ANTXRL: variants seen among roughly 807,000 people sequenced by gnomAD.
ANTXRL encodes the protein ANTXR like, also known as anthrax toxin receptor-like.
In ANTXRL, 63 loss-of-function variants were observed where a neutral mutation model predicts 75.4. That is an observed-to-expected ratio of 0.84 (90% CI 0.68 to 1.03). ANTXRL has a LOEUF of 1.03. Ranked by LOEUF, ANTXRL falls within the 50% of genes least tolerant of loss-of-function variation. The pLI is 0.00. For missense variants in ANTXRL, 797 were observed against 789.4 expected (o/e 1.01, Z -0.12); for synonymous variants, 335 against 291.3 (o/e 1.15, Z -1.53).
In ANTXRL at chr10:46,307,448, A is replaced by C. The variant is rs782669496; in HGVS notation, c.1012A>C (p.Lys338Gln). The C allele has an allele frequency of 2.1e-4, 326 of 1,536,334 alleles. 2 individuals are homozygous for C. Among genetic ancestry groups the C allele is most frequent in the East Asian group, 1.3e-3 (52 of 40,920 alleles). ...CTTGAACAAAGGCAAAACATTCTTC[A>C]AGAGCAATGTCAGCATCACCAGCAC... is the stretch of plus-strand genomic sequence containing the variant. Reference protein sequence around the residue: ...VSLNKGKTFFKSNVSITSTTC... With the variant: ...VSLNKGKTFFQSNVSITSTTC... Residue 338 changes from lysine to glutamine, a missense_variant, in exon 12 of 17, where the codon AAG becomes CAG. Physicochemically the swap from Lys to Gln is moderately conservative, Grantham distance 53. This residue lies in a region of ANTXRL where 479 missense variants were observed against 422.0 expected (regional missense o/e 1.14). Transcript: ENST00000620264.
In ANTXRL at chr10:46,294,064, C is replaced by T. The variant is rs1289348184; in HGVS notation, c.392+164C>T. ...CCCACCTGACCTTAGCCCCGGCTCC[C>T]CTGCATCCTCCTACCCATGGCTGCA... On this transcript the variant is annotated intron_variant, in intron 3 of 16. Coordinates refer to ENST00000620264, the MANE Select transcript of ANTXRL (RefSeq NM_001278688.3). The T allele has an allele frequency of 1.1e-5, 7 of 615,112 alleles. No individual in the cohort carries two copies. In the South Asian group the frequency reaches 1.2e-4, roughly 10 times the overall value. 38.1% of individuals were successfully genotyped at this position (615,112 alleles called of 1,614,324 possible). A position where few individuals can be genotyped will look rare whatever the true frequency, so the allele number is the denominator to read the frequency against.
At chr10:46,327,271 G>A (rs1185667372) in intron 16 of ANTXRL, among the ~76,000 whole-genome samples, 1 of 152,158 alleles carries the variant, frequency 6.6e-6, no homozygotes, top group Non-Finnish European at 1.5e-5. Flanking sequence ...CAGGCTGGGT[G>A]GAGGGACTGG....
chr10:46,308,591 G>T (rs1838241837), intron 12 of ANTXRL: 3 of 378,338 alleles, frequency 7.9e-6, no homozygotes, highest in Non-Finnish European at 1.1e-5. Context: ...ATGTGGCCCT[G>T]GTTCTGAGCC....
At chr10:46,302,216 C>A (rs1303786256) in intron 9 of ANTXRL, among the ~76,000 whole-genome samples, 1 of 152,170 alleles carries the variant, frequency 6.6e-6, no homozygotes, top group Non-Finnish European at 1.5e-5. Flanking sequence ...CTGCCACAGG[C>A]ACACAGAAAG....
intron 12 of ANTXRL, among the ~76,000 whole-genome samples, chr10:46,308,875 C>A (rs1554962638): frequency 6.6e-6 from 1 of 152,164 alleles, no homozygotes; most frequent in African/African-American, 2.4e-5. Flanking sequence ...AGGGTGGGAT[C>A]ATCAGACCAT....
intron 16 of ANTXRL, among the ~76,000 whole-genome samples, chr10:46,318,982 C>A (rs1310491781): frequency 6.6e-6 from 1 of 150,520 alleles, no homozygotes; most frequent in East Asian, 1.9e-4. Flanking sequence ...GGCAACAGCT[C>A]TGTGTGTCCT....
In ANTXRL at chr10:46,329,579, C is replaced by T; in HGVS notation, c.1411-20C>T. On this transcript the variant is annotated intron_variant, in intron 16 of 16. Transcript: ENST00000620264. ...TCGAATGCCATCACGGTGACCTTCTCTCTCTTCTCTTCCCTACAGGGGAGG... is the reference window on the plus strand; with the variant it reads ...TCGAATGCCATCACGGTGACCTTCTTTCTCTTCTCTTCCCTACAGGGGAGG... 1.3e-6 allele frequency: 2 copies of T among 1,530,038 alleles called. No individual in the cohort carries two copies. Among genetic ancestry groups the T allele is most frequent in the Non-Finnish European group, 1.8e-6 (2 of 1,142,258 alleles). 94.8% of individuals were successfully genotyped at this position (1,530,038 alleles called of 1,614,324 possible). A position where few individuals can be genotyped will look rare whatever the true frequency, so the allele number is the denominator to read the frequency against.
intron 5 of ANTXRL, among the ~76,000 whole-genome samples, chr10:46,296,791 G>T (rs1166891025): frequency 6.6e-6 from 1 of 152,158 alleles, no homozygotes; most frequent in Non-Finnish European, 1.5e-5. Flanking sequence ...CCTGGGCCCA[G>T]AGATGCCGGC....
intron 11 of ANTXRL, among the ~76,000 whole-genome samples, 200 bp from the exon 12 acceptor site, chr10:46,307,202 C>T (rs2095688871): frequency 6.6e-6 from 1 of 152,138 alleles, no homozygotes; most frequent in Admixed American, 6.5e-5. Flanking sequence ...GCAGCAGTCC[C>T]TGGTCATTTA....
intron 9 of ANTXRL, among the ~76,000 whole-genome samples, chr10:46,298,950 GTGGTGTGAGTACCTTTGTACAAT>G (rs1257745766): frequency 6.6e-6 from 1 of 151,778 alleles, no homozygotes; most frequent in Non-Finnish European, 1.5e-5. Context: ...TGCGGGGGTG[GTGGTGTGAGTACCTTTGTACAAT>G]TAGTGTGTTG....
chr10:46,311,534 T>A lies in ANTXRL; in HGVS notation c.1198T>A (p.Ser400Thr). 6.5e-7 allele frequency: 1 copy of A among 1,533,716 alleles called. No individual in the cohort carries two copies. The highest frequency in any genetic ancestry group is 2.4e-5 in the East Asian group (1 of 40,850). ...EKEPEQEKPP[S>T]PPPPPPPPPP... ...GGAGCCAGAGCAGGAAAAACCACCA[T>A]CACCACCACCACCGCCTCCGCCTCC... Residue 400 changes from serine (S) to threonine (T), a missense_variant, in exon 15 of 17, where the codon TCA becomes ACA. By Grantham distance (58) the Ser-to-Thr change is moderately conservative. Around this residue, in one of 3 missense-constraint regions of ANTXRL, gnomAD observed 479 missense variants for 422.0 expected, o/e 1.14. Transcript: ENST00000620264.
chr10:46,308,779 C>T, intron 12 of ANTXRL: 1 of 384,254 alleles, frequency 2.6e-6, no homozygotes, highest in Non-Finnish European at 4.9e-6. Context: ...TGCTCCTGTG[C>T]CTGCACCTCC....
At chr10:46,313,451 C>A (rs1433696188) in intron 16 of ANTXRL, 135 bp downstream of exon 16, 3 of 930,094 alleles carry the variant, frequency 3.2e-6, no homozygotes, top group Admixed American at 4.1e-5. Flanking sequence ...CACACAGAAA[C>A]GGTGCCCATG....
At chr10:46,292,011 C>G (rs185232943) in intron 1 of ANTXRL, 47 bp from the exon 2 acceptor site, 2 of 1,510,368 alleles carry the variant, frequency 1.3e-6, no homozygotes, top group African/African-American at 1.4e-5. Flanking sequence ...ACTTGCCCAT[C>G]GGAGAGATGC....
At chr10:46,294,681 G>C (rs1837257725) in intron 3 of ANTXRL, among the ~76,000 whole-genome samples, 1 of 152,166 alleles carries the variant, frequency 6.6e-6, no homozygotes, top group African/African-American at 2.4e-5. Context: ...CAGAGAGACT[G>C]GGTGGGTGTG....
At chr10:46,297,973 T>C in intron 8 of ANTXRL, 29 bp from the exon 9 acceptor site, 1 of 1,535,808 alleles carries the variant, frequency 6.5e-7, no homozygotes, top group Non-Finnish European at 8.7e-7. Context: ...TCACTCTCCC[T>C]GTCCCGCCCC....
chr10:46,289,560 A>G (rs541486499), intron 1 of ANTXRL, among the ~76,000 whole-genome samples: 1 of 152,008 alleles, frequency 6.6e-6, no homozygotes, highest in Non-Finnish European at 1.5e-5. Flanking sequence ...AATCCTGTCC[A>G]TACAAAACAT....
rs181380209 is a variant in ANTXRL at position 46,323,422 on chromosome 10, A to G, written c.1411-6177A>G. ...GAAGAGTTAATACAATAGCAGCGTT[A>G]AGTAGGTTGCAGCATTTTAGATGGA... On this transcript the variant is annotated intron_variant, in intron 16 of 16. Coordinates refer to ENST00000620264, the MANE Select transcript of ANTXRL (RefSeq NM_001278688.3). Among the ~76,000 whole-genome samples, 12 of 152,328 alleles carry G rather than the reference A, an allele frequency of 7.9e-5. No individual in the cohort carries two copies. In the East Asian group the frequency reaches 2.1e-3, roughly 27 times the overall value.
chr10:46,313,584 G>A (rs559878023), intron 16 of ANTXRL, among the ~76,000 whole-genome samples: 1 of 152,284 alleles, frequency 6.6e-6, no homozygotes, highest in South Asian at 2.1e-4. Flanking sequence ...TTCTAACAGG[G>A]AATAAGGATT....
Sources: gnomAD v4.1 joint callset for allele counts (sites outside exome capture counted in the v4.1 genomes callset) on GRCh38, gnomAD v4.1.1 for gene constraint, gnomAD v4.1.1 regional missense constraint, MANE v1.5 for transcripts, NCBI Gene and HGNC (gene_info 2026-07-23, HGNC 2026-07-21) for gene names.